NUP153: variants seen among roughly 807,000 people sequenced by gnomAD.
NUP153 encodes the protein nuclear pore complex protein Nup153.
A neutral mutation model predicts 134.6 loss-of-function variants in NUP153; 27 were observed. That is an observed-to-expected ratio of 0.20 (90% CI 0.15 to 0.28). The LOEUF (loss-of-function observed/expected upper bound fraction) is 0.28, where lower values mean the gene tolerates loss of function less well. Among genes scored for constraint, NUP153 ranks in the 10% least tolerant of loss-of-function variants. The pLI, the probability that NUP153 is intolerant of heterozygous loss-of-function variation, is 1.00. For synonymous variants in NUP153, 640 were observed against 623.5 expected, an observed-to-expected ratio of 1.03 and a Z score of -0.40; for missense variants, 1,821 against 1,731.3, an observed-to-expected ratio of 1.05 and a Z score of -0.92.
intron 17 of NUP153, among the ~76,000 whole-genome samples, chr6:17,631,380 G>A (rs966575252): frequency 2.0e-5 from 3 of 152,250 alleles, no homozygotes; most frequent in South Asian, 4.1e-4. Flanking sequence ...ATAAATTTAA[G>A]GATTACCAGT....
intron 11 of NUP153, among the ~76,000 whole-genome samples, chr6:17,653,019 G>A (rs543655145): frequency 3.3e-5 from 5 of 152,230 alleles, no homozygotes; most frequent in South Asian, 4.2e-4. Flanking sequence ...TTGGTAGGCC[G>A]AGGCGGGTGG....
chr6:17,686,212 T>C (rs192810743), intron 2 of NUP153, among the ~76,000 whole-genome samples: 25 of 152,158 alleles, frequency 1.6e-4, no homozygotes, highest in Admixed American at 1.6e-3. Context: ...AGGTAAGTCC[T>C]TCTGGAAGTA....
chr6:17,699,663 C>A (rs1049760063), intron 1 of NUP153, among the ~76,000 whole-genome samples: 1 of 151,920 alleles, frequency 6.6e-6, no homozygotes, highest in Non-Finnish European at 1.5e-5. Flanking sequence ...TGGTGAAACC[C>A]CGTGTCTACT....
chr6:17,632,990 T>C (rs116341619), intron 16 of NUP153, 146 bp from the exon 17 acceptor site: 5,906 of 589,212 alleles, frequency 0.01, 45 homozygotes, highest in Non-Finnish European at 0.013. Flanking sequence ...GTGCCAGAAA[T>C]AGACAACTGT....
chr6:17,617,323 T>C (rs946767901), intron 20 of NUP153, among the ~76,000 whole-genome samples: 7 of 152,068 alleles, frequency 4.6e-5, no homozygotes, highest in African/African-American at 1.4e-4. Context: ...TTTACAAAGA[T>C]ATAGGTTTAG....
intron 1 of NUP153, among the ~76,000 whole-genome samples, chr6:17,694,416 C>T (rs1769495350): frequency 6.6e-6 from 1 of 152,024 alleles, no homozygotes; most frequent in African/African-American, 2.4e-5. Flanking sequence ...CCCAGCACTT[C>T]CGGAGGCCGA....
intron 11 of NUP153, among the ~76,000 whole-genome samples, chr6:17,652,566 GA>G (rs1230010764): frequency 3.3e-5 from 5 of 150,778 alleles, no homozygotes; most frequent in East Asian, 3.9e-4. Context: ...AAAAATATTA[GA>G]AAAAAAAATC....
intron 5 of NUP153, among the ~76,000 whole-genome samples, chr6:17,671,482 A>C (rs1393455092): frequency 6.6e-6 from 1 of 152,206 alleles, no homozygotes; most frequent in African/African-American, 2.4e-5. Context: ...CAATTCACTG[A>C]AAAGATAAAA....
Position 17,661,511 on chromosome 6 carries a change from T to A in NUP153, c.1395+142A>T, listed in dbSNP as rs76517776. The A allele has an allele frequency of 0.027, 18,564 of 689,914 alleles. 1,602 individuals carry two copies. The East Asian group carries it at 0.28, about 11-fold the overall frequency. 42.7% of individuals were successfully genotyped at this position (689,914 alleles called of 1,614,324 possible). A position where few individuals can be genotyped will look rare whatever the true frequency, so the allele number is the denominator to read the frequency against. ...AAGGTACTAGATTAGGTTTTCAGCA[T>A]GCATTTTGAAAGAACTGATTCAATA... On this transcript the variant is annotated intron_variant, in intron 11 of 21. Coordinates refer to ENST00000262077, the MANE Select transcript of NUP153 (RefSeq NM_005124.4).
rs1423931115 is a variant in NUP153, at chr6:17,661,923, C to G, written c.1268+95G>C. 7.8e-6 allele frequency: 10 copies of G among 1,280,508 alleles called. No individual in the cohort carries two copies. In the Admixed American group the frequency reaches 2.2e-4, roughly 28 times the overall value. The allele number at this position is 1,280,508 out of a possible 1,614,324, so 79.3% of individuals were successfully genotyped here. A position where few individuals can be genotyped will look rare whatever the true frequency, so the allele number is the denominator to read the frequency against. ...GATTTCTTTATATAAAGTTTCTGTT[C>G]TTTGATTTTAATCTTCAAAAAGGTA... On this transcript the variant is annotated intron_variant, in intron 10 of 21. Coordinates refer to ENST00000262077, the MANE Select transcript of NUP153 (RefSeq NM_005124.4).
chr6:17,667,088 A>C (rs887680305), intron 8 of NUP153, among the ~76,000 whole-genome samples: 4 of 152,242 alleles, frequency 2.6e-5, no homozygotes, highest in Non-Finnish European at 1.5e-5. Flanking sequence ...TGTTATTGAT[A>C]AGAACTTACA....
At chr6:17,662,136 C>T in intron 9 of NUP153, 66 bp from the exon 10 acceptor site, 2 of 1,376,200 alleles carry the variant, frequency 1.5e-6, no homozygotes, top group East Asian at 2.3e-5. Flanking sequence ...TACCACCTTG[C>T]TTCCTATTAA....
rs565524726 is a variant in NUP153 at position 17,632,791 on chromosome 6, C to T, written c.2518G>A (p.Gly840Arg). Residue 840 changes from glycine (G) to arginine (R), a missense_variant, in exon 17 of 22, where the codon GGA (glycine) becomes AGA (arginine). Gly to Arg is a moderately radical substitution (Grantham distance 125, BLOSUM62 -2). Transcript: ENST00000262077. ...AACTTTTCCAATCCTAGAGAGCCTC[C>T]AGAAGGCAGAGAGACAGGTACAGTG... ...SSTVPVSLPS[G>R]GSLGLEKFKK... The T allele has an allele frequency of 6.3e-7, 1 of 1,596,192 alleles. No individual in the cohort carries two copies. The highest frequency in any genetic ancestry group is 1.1e-5 in the South Asian group (1 of 90,832).
Position 17,650,234 on chromosome 6 carries a change from A to G in NUP153, c.1396-934T>C, listed in dbSNP as rs571485367. On this transcript the variant is annotated intron_variant, in intron 11 of 21. Coordinates refer to ENST00000262077, the MANE Select transcript of NUP153 (RefSeq NM_005124.4). ...AGGACACTTGGAAAATGGGAAGGGC[A>G]CTGAGTAAGCTTCCTGTTCTCTTCA... Among the ~76,000 whole-genome samples the G allele has an allele frequency of 2.6e-5, 4 of 152,354 alleles. No homozygotes were observed. The East Asian group carries it at 7.7e-4, about 29-fold the overall frequency.
At chr6:17,641,711 C>T (rs954557592) in intron 14 of NUP153, among the ~76,000 whole-genome samples, 2 of 151,478 alleles carry the variant, frequency 1.3e-5, no homozygotes, top group Non-Finnish European at 2.9e-5. Context: ...ACAAATTAGC[C>T]GGGCGTGGTG....
intron 2 of NUP153, among the ~76,000 whole-genome samples, chr6:17,686,887 C>T (rs1327668784): frequency 3.9e-3 from 10 of 2,564 alleles, no homozygotes; most frequent in Admixed American, 9.9e-3. Context: ...CAGCCGGGGG[C>T]GGGCGGCGGG....
At chr6:17,645,242 C>CAA (rs1010515280) in intron 14 of NUP153, among the ~76,000 whole-genome samples, 67 of 68,780 alleles carry the variant, frequency 9.7e-4, no homozygotes, top group African/African-American at 2.4e-3. Context: ...GACTCTGTCT[C>CAA]AAAAAAAAAA....
In NUP153 at chr6:17,700,424, A is replaced by G. The variant is rs896839278; in HGVS notation, c.111+5853T>C. Among the ~76,000 whole-genome samples, 64 of 152,288 alleles carry G rather than the reference A, an allele frequency of 4.2e-4. 1 individual carries two copies. Among genetic ancestry groups the G allele is most frequent in the African/African-American group, 1.5e-3 (62 of 41,566 alleles). ...ACTCAGGCTGACTCCATTACACTACAATGTTTTCCTAACAACTATCCTATC... is the reference window on the plus strand; with the variant it reads ...ACTCAGGCTGACTCCATTACACTACGATGTTTTCCTAACAACTATCCTATC... On this transcript the variant is annotated intron_variant, in intron 1 of 21. Coordinates refer to ENST00000262077, the MANE Select transcript of NUP153 (RefSeq NM_005124.4).
intron 11 of NUP153, among the ~76,000 whole-genome samples, chr6:17,655,752 G>T (rs1414653273): frequency 6.6e-6 from 1 of 152,038 alleles, no homozygotes; most frequent in Non-Finnish European, 1.5e-5. Context: ...ACCGTGACCA[G>T]CCAATCTTTT....
Sources: allele counts gnomAD v4.1 joint callset (sites outside exome capture counted in the v4.1 genomes callset), GRCh38; gene constraint gnomAD v4.1.1; transcripts MANE v1.5; gene names NCBI Gene and HGNC (gene_info 2026-07-23, HGNC 2026-07-21).